SYT1: variants seen among roughly 807,000 people sequenced by gnomAD.
The protein encoded by SYT1 is synaptotagmin 1, also known as synaptotagmin-1.
Under a neutral mutation model 44.8 loss-of-function variants are expected in SYT1, and 8 were observed. The ratio of observed to expected loss-of-function variants is 0.18; its 90% CI spans 0.10 to 0.32. The LOEUF (loss-of-function observed/expected upper bound fraction) is 0.32, where lower values mean the gene tolerates loss of function less well. SYT1 is among the 10% of genes least tolerant of loss of function. The pLI, the probability that SYT1 is intolerant of heterozygous loss-of-function variation, is 1.00. For missense variants in SYT1, 286 were observed against 509.3 expected (o/e 0.56, Z 4.22); for synonymous variants, 154 against 188.8 (o/e 0.82, Z 1.51).
chr12:79,116,826 G>A (rs905316281), intron 3 of SYT1, among the ~76,000 whole-genome samples: 5 of 152,046 alleles, frequency 3.3e-5, no homozygotes, highest in African/African-American at 1.2e-4. Flanking sequence ...ACATATCTCA[G>A]AGCCTACACC....
intron 1 of SYT1, among the ~76,000 whole-genome samples, chr12:78,920,427 A>G (rs548442261): frequency 2.8e-4 from 43 of 152,154 alleles, no homozygotes; most frequent in African/African-American, 9.1e-4. Flanking sequence ...TCATCTATGA[A>G]TGCACAGTAT....
At chr12:79,083,157 G>A (rs984940022) in intron 3 of SYT1, among the ~76,000 whole-genome samples, 2 of 152,016 alleles carry the variant, frequency 1.3e-5, no homozygotes, top group Non-Finnish European at 2.9e-5. Context: ...AAATTATAAT[G>A]TCAATAAATA....
chr12:78,922,760 T>C (rs1877078325), intron 1 of SYT1, among the ~76,000 whole-genome samples: 1 of 152,012 alleles, frequency 6.6e-6, no homozygotes, highest in Non-Finnish European at 1.5e-5. Context: ...ATCCCTGGTA[T>C]GCCTCAGAAT....
In SYT1 at chr12:78,870,497, A is replaced by G. The variant is rs151026901; in HGVS notation, c.-217+5388A>G. ...AATGTTTTCTTTCTCTTTTGAAATC[A>G]AAGATAAAATGCACATATGCACTCA... On this transcript the variant is annotated intron_variant, in intron 1 of 10. Coordinates refer to ENST00000261205, the MANE Select transcript of SYT1 (RefSeq NM_005639.3). Among the ~76,000 whole-genome samples the G allele has an allele frequency of 8.9e-4, 136 of 152,258 alleles. 1 individual carries two copies. Among genetic ancestry groups the G allele is most frequent in the African/African-American group, 3.1e-3 (130 of 41,554 alleles).
At chr12:78,945,706 CA>C (rs1348229116) in intron 1 of SYT1, among the ~76,000 whole-genome samples, 1 of 151,918 alleles carries the variant, frequency 6.6e-6, no homozygotes, top group Non-Finnish European at 1.5e-5. Flanking sequence ...CAATGTAATC[CA>C]AAGACATGAA....
At position 79,449,152 on chromosome 12, in the gene SYT1, C is replaced by A. The variant is rs1197188091; in HGVS notation, c.*28C>A. The stretch of plus-strand genomic sequence containing the variant: ...GAAAGAAGAAGCCTTTCTGCATTTG[C>A]CCATATAGTGCTCTTTAGCCAGTAT... On this transcript the variant is annotated 3_prime_UTR_variant, in exon 11 of 11. Coordinates refer to ENST00000261205, the MANE Select transcript of SYT1 (RefSeq NM_005639.3). The A allele has an allele frequency of 1.9e-6, 3 of 1,571,464 alleles. No homozygotes were observed. The East Asian group carries it at 7.0e-5, about 37-fold the overall frequency.
chr12:78,936,853 A>G (rs952354263), intron 1 of SYT1, among the ~76,000 whole-genome samples: 3 of 152,142 alleles, frequency 2.0e-5, no homozygotes, highest in African/African-American at 7.2e-5. Context: ...ATGGAAAGGA[A>G]AACTTTCTCA....
At chr12:79,428,468 T>A (rs1292268636) in intron 9 of SYT1, among the ~76,000 whole-genome samples, 1 of 152,200 alleles carries the variant, frequency 6.6e-6, no homozygotes, top group African/African-American at 2.4e-5. Flanking sequence ...TCCCCAAGCA[T>A]GCACCATCTG....
intron 3 of SYT1, among the ~76,000 whole-genome samples, chr12:79,174,022 T>A (rs1202965638): frequency 6.6e-6 from 1 of 151,838 alleles, no homozygotes; most frequent in Non-Finnish European, 1.5e-5. Context: ...GAAGGGAAAA[T>A]AATGAACAGA....
intron 8 of SYT1, among the ~76,000 whole-genome samples, chr12:79,336,854 G>A (rs1033186512): frequency 6.6e-6 from 1 of 151,582 alleles, no homozygotes; most frequent in Non-Finnish European, 1.5e-5. Context: ...TTTTATTTTG[G>A]GGGGTGGAGA....
intron 3 of SYT1, among the ~76,000 whole-genome samples, chr12:79,062,572 C>T (rs1371856790): frequency 6.6e-6 from 1 of 152,134 alleles, no homozygotes; most frequent in Non-Finnish European, 1.5e-5. Context: ...TTCTTTCAGA[C>T]ATTCCAATGC....
intron 4 of SYT1, among the ~76,000 whole-genome samples, chr12:79,285,391 G>A (rs1181298484): frequency 1.3e-5 from 2 of 152,158 alleles, no homozygotes; most frequent in African/African-American, 4.8e-5. Context: ...CTTTAGAGAT[G>A]AGGAAAGTGA....
rs370720201 is a variant in SYT1 at position 79,290,085 on chromosome 12, G to T, written c.352-1923G>T. Among the ~76,000 whole-genome samples the T allele has an allele frequency of 1.6e-3, 241 of 152,206 alleles. 2 individuals are homozygous for T. In the South Asian group the frequency reaches 0.026, roughly 17 times the overall value. On this transcript the variant is annotated intron_variant, in intron 5 of 10. Coordinates refer to ENST00000261205, the MANE Select transcript of SYT1 (RefSeq NM_005639.3). The stretch of plus-strand genomic sequence containing the variant: ...TTAAACTTTCCAAATTAAGTGGTTT[G>T]TAGCTAACCAAATTTGATAATGTTT...
At chr12:79,091,621 A>G (rs1422799248) in intron 3 of SYT1, among the ~76,000 whole-genome samples, 3 of 151,968 alleles carry the variant, frequency 2.0e-5, no homozygotes, top group Admixed American at 2.0e-4. Context: ...AGTGATTCCA[A>G]GTCAGAAAAA....
intron 4 of SYT1, among the ~76,000 whole-genome samples, chr12:79,248,991 G>T (rs560440246): frequency 6.6e-6 from 1 of 151,470 alleles, no homozygotes. Context: ...TTTTGACTCC[G>T]GAGCATGTTT....
At chr12:79,202,105 G>T (rs1405499) in intron 3 of SYT1, among the ~76,000 whole-genome samples, 116,950 of 152,082 alleles carry the variant, frequency 0.77, 46,021 homozygotes, top group African/African-American at 0.94. Flanking sequence ...TAGGATAGTA[G>T]TTACAGATCA....
At chr12:79,363,734 CA>C (rs5799428) in intron 9 of SYT1, among the ~76,000 whole-genome samples, 17,619 of 137,226 alleles carry the variant, frequency 0.13, 1,594 homozygotes, top group African/African-American at 0.27. Context: ...GTCCCTGTCT[CA>C]AAAAAAAAAA....
intron 7 of SYT1, 104 bp downstream of exon 7, chr12:79,296,340 C>A: frequency 8.4e-7 from 1 of 1,192,668 alleles, no homozygotes; most frequent in Non-Finnish European, 1.2e-6. Context: ...CTTGTTCAGG[C>A]ACTCACAATA....
intron 1 of SYT1, among the ~76,000 whole-genome samples, chr12:78,942,324 C>T (rs1290914288): frequency 1.3e-5 from 2 of 152,164 alleles, no homozygotes; most frequent in African/African-American, 4.8e-5. Context: ...AAGATTGGTT[C>T]TTAACCTTTG....
Sources: allele counts gnomAD v4.1 joint callset (sites outside exome capture counted in the v4.1 genomes callset), GRCh38; gene constraint gnomAD v4.1.1; transcripts MANE v1.5; gene names NCBI Gene and HGNC (gene_info 2026-07-23, HGNC 2026-07-21).